Variants in SLCO1C1 observed in about 807,000 individuals in gnomAD.
The protein encoded by SLCO1C1 is solute carrier organic anion transporter family member 1C1, also known as OAT-RP-5.
SLCO1C1 carries 70 observed loss-of-function variants against 76.4 expected under a neutral mutation model. That is an observed-to-expected ratio of 0.92 (90% CI 0.76 to 1.12). The LOEUF (loss-of-function observed/expected upper bound fraction) is 1.12, where lower values mean the gene tolerates loss of function less well. Among genes scored for constraint, SLCO1C1 ranks in the 50% most tolerant of loss-of-function variants. SLCO1C1 has a pLI of 0.00. For missense variants in SLCO1C1, 912 were observed against 823.8 expected (o/e 1.11, Z -1.31); for synonymous variants, 306 against 286.1 (o/e 1.07, Z -0.70).
At chr12:20,712,857 T>A (rs1947182847) in intron 5 of SLCO1C1, among the ~76,000 whole-genome samples, 1 of 152,150 alleles carries the variant, frequency 6.6e-6, no homozygotes, top group Non-Finnish European at 1.5e-5. Flanking sequence ...CCTCTCCTGC[T>A]GTAGCAAAAG....
At chr12:20,724,403 GTGTGTGTGTATA>G (rs1162973310) in intron 9 of SLCO1C1, among the ~76,000 whole-genome samples, 17 of 22,972 alleles carry the variant, frequency 7.4e-4, no homozygotes, top group Non-Finnish European at 1.5e-3. Context: ...ATGTGTGTGT[GTGTGTGTGTATA>G]TATATATATA....
intron 9 of SLCO1C1, among the ~76,000 whole-genome samples, chr12:20,724,451 A>ATATATATGTG (rs1555129500): frequency 1.3e-5 from 1 of 75,408 alleles, no homozygotes; most frequent in African/African-American, 5.3e-5. Context: ...ATATATATAT[A>ATATATATGTG]TGTGTGTGTG....
chr12:20,725,305 T>C (rs1947922024), intron 9 of SLCO1C1, among the ~76,000 whole-genome samples: 1 of 135,076 alleles, frequency 7.4e-6, no homozygotes, highest in African/African-American at 2.7e-5. Context: ...TAATATATTA[T>C]AGCATATTAC....
intron 13 of SLCO1C1, among the ~76,000 whole-genome samples, chr12:20,749,809 G>T (rs10841608): frequency 0.46 from 69,601 of 152,026 alleles, 17,808 homozygotes; most frequent in South Asian, 0.63. Flanking sequence ...TTTAAAGTTT[G>T]ATGAGATGTA....
In SLCO1C1 at chr12:20,732,986, T is replaced by C. The variant is rs1948363675; in HGVS notation, c.1264T>C (p.Cys422Arg). ...IVMKKFRISVCGAAKLYLGSS... is the reference protein window; with the variant it reads ...IVMKKFRISVRGAAKLYLGSS... ...TATGAAAAAATTCAGAATCAGTGTG[T>C]GTGGAGCTGCAAAACTCTACTTGGG... Residue 422 changes from cysteine (C) to arginine (R), a missense_variant, in exon 10 of 15, where the codon TGT (cysteine) becomes CGT (arginine). Physicochemically the swap from Cys to Arg is radical, Grantham distance 180 (BLOSUM62 -3). Coordinates refer to ENST00000266509, the MANE Select transcript of SLCO1C1 (RefSeq NM_017435.5). 2.5e-6 allele frequency: 4 copies of C among 1,613,904 alleles called. No homozygotes were observed. The highest frequency in any genetic ancestry group is 3.3e-5 in the Admixed American group (2 of 59,990).
At chr12:20,737,301 G>C (rs757810470) in intron 11 of SLCO1C1, 29 bp downstream of exon 11, 1 of 1,540,822 alleles carries the variant, frequency 6.5e-7, no homozygotes, top group Non-Finnish European at 8.7e-7. Context: ...AGTATATGGC[G>C]ATGGTCCTGT....
chr12:20,741,922 G>T (rs1948834994), intron 12 of SLCO1C1, among the ~76,000 whole-genome samples: 1 of 152,016 alleles, frequency 6.6e-6, no homozygotes, highest in Non-Finnish European at 1.5e-5. Flanking sequence ...TTATATTCAA[G>T]GATAAATACT....
chr12:20,718,971 T>A (rs1360775192), intron 7 of SLCO1C1, among the ~76,000 whole-genome samples: 1 of 152,126 alleles, frequency 6.6e-6, no homozygotes, highest in African/African-American at 2.4e-5. Flanking sequence ...TACTATATAT[T>A]TTTTAAATTT....
At chr12:20,703,752 G>A (rs911716457) in intron 3 of SLCO1C1, among the ~76,000 whole-genome samples, 3 of 151,564 alleles carry the variant, frequency 2.0e-5, no homozygotes, top group Non-Finnish European at 3.0e-5. Flanking sequence ...AATGAACTGC[G>A]CTTGGTTGGG....
At position 20,752,463 on chromosome 12, in the gene SLCO1C1, A is replaced by T; in HGVS notation, c.2074A>T (p.Asn692Tyr). ...GGTGTCTACAAGATTCCAAAAGGAA[A>T]ATTACACTACAAGTGATCATCTGCT... Reference protein sequence around the residue: ...TMVSTRFQKENYTTSDHLLQP... With the variant: ...TMVSTRFQKEYYTTSDHLLQP... Residue 692 changes from asparagine (N) to tyrosine (Y), a missense_variant, in exon 15 of 15, where the codon AAT becomes TAT. Coordinates refer to ENST00000266509, the MANE Select transcript of SLCO1C1 (RefSeq NM_017435.5). 1 of 1,613,412 alleles carries T rather than the reference A, an allele frequency of 6.2e-7. No homozygotes were observed. The highest frequency in any genetic ancestry group is 8.5e-7 in the Non-Finnish European group (1 of 1,179,590).
Position 20,750,808 on chromosome 12 carries a change from C to A in SLCO1C1, c.1916+16C>A. 1 of 1,613,938 alleles carries A rather than the reference C, an allele frequency of 6.2e-7. No individual in the cohort carries two copies. The highest frequency in any genetic ancestry group is 8.5e-7 in the Non-Finnish European group (1 of 1,179,902). On this transcript the variant is annotated intron_variant, in intron 14 of 14. Coordinates refer to ENST00000266509, the MANE Select transcript of SLCO1C1 (RefSeq NM_017435.5). ...ATGTCTTCAGGTACCAAATCAAAAG[C>A]ATTCCCGCATCTCATTGCTACAGCA...
At chr12:20,732,204 G>A (rs1189340300) in intron 9 of SLCO1C1, among the ~76,000 whole-genome samples, 1 of 152,162 alleles carries the variant, frequency 6.6e-6, no homozygotes, top group Non-Finnish European at 1.5e-5. Flanking sequence ...ACCCCTGAAG[G>A]AGAGGCAACA....
intron 11 of SLCO1C1, among the ~76,000 whole-genome samples, chr12:20,737,509 T>C (rs1168916650): frequency 6.6e-6 from 1 of 152,172 alleles, no homozygotes; most frequent in Non-Finnish European, 1.5e-5. Flanking sequence ...TGTAATTATG[T>C]AGTCTATTTC....
At chr12:20,744,610 C>A (rs1314727987) in intron 13 of SLCO1C1, among the ~76,000 whole-genome samples, 3 of 152,120 alleles carry the variant, frequency 2.0e-5, no homozygotes, top group Non-Finnish European at 4.4e-5. Flanking sequence ...TTAGAACTAC[C>A]TTTCTTATCA....
Position 20,732,957 on chromosome 12 carries a change from T to C in SLCO1C1, c.1235T>C (p.Ile412Thr), listed in dbSNP as rs1253791545. 3.7e-6 allele frequency: 6 copies of C among 1,614,030 alleles called. No individual in the cohort carries two copies. Among genetic ancestry groups the C allele is most frequent in the African/African-American group, 1.3e-5 (1 of 75,028 alleles). Residue 412 changes from isoleucine (I) to threonine (T), a missense_variant, in exon 10 of 15, where the codon ATA becomes ACA. Ile to Thr is a moderately conservative substitution (Grantham distance 89). Coordinates refer to ENST00000266509, the MANE Select transcript of SLCO1C1 (RefSeq NM_017435.5). Reference protein sequence around the residue: ...AVALGIFSGGIVMKKFRISVC... With the variant: ...AVALGIFSGGTVMKKFRISVC... ...GCCCTTGGAATATTCTCTGGGGGGA[T>C]AGTTATGAAAAAATTCAGAATCAGT...
At chr12:20,733,567 C>T (rs932275127) in intron 10 of SLCO1C1, among the ~76,000 whole-genome samples, 1 of 152,194 alleles carries the variant, frequency 6.6e-6, no homozygotes, top group African/African-American at 2.4e-5. Context: ...GCTAAATGTG[C>T]CATTCATGGA....
At position 20,741,136 on chromosome 12, in the gene SLCO1C1, G is replaced by A. The variant is rs556321936; in HGVS notation, c.1733+768G>A. Among the ~76,000 whole-genome samples the A allele has an allele frequency of 3.9e-5, 6 of 152,056 alleles. No homozygotes were observed. In the South Asian group the frequency reaches 1.2e-3, roughly 32 times the overall value. On this transcript the variant is annotated intron_variant, in intron 12 of 14. Coordinates refer to ENST00000266509, the MANE Select transcript of SLCO1C1 (RefSeq NM_017435.5). ...GCCTCTTATAAAACCATCAGATCTT[G>A]TGAGAACACACTATCACAACAACAG... is the stretch of plus-strand genomic sequence containing the variant.
At chr12:20,717,713 G>T (rs1592259106) in intron 7 of SLCO1C1, among the ~76,000 whole-genome samples, 2 of 107,562 alleles carry the variant, frequency 1.9e-5, no homozygotes, top group Middle Eastern at 7.9e-3. Context: ...TCATTTTTAG[G>T]TGGAAGCATG....
chr12:20,695,860 A>G (rs1317710185), intron 1 of SLCO1C1, 53 bp downstream of exon 1: 2 of 152,038 alleles, frequency 1.3e-5, no homozygotes, highest in African/African-American at 4.8e-5. Flanking sequence ...TCAGATTCTT[A>G]TGGGAGATTA....
Sources: gnomAD v4.1 joint callset for allele counts (sites outside exome capture counted in the v4.1 genomes callset) on GRCh38, gnomAD v4.1.1 for gene constraint, MANE v1.5 for transcripts, NCBI Gene and HGNC (gene_info 2026-07-23, HGNC 2026-07-21) for gene names.